Variants in RBM33 observed in about 807,000 individuals in gnomAD.
RBM33 encodes RNA-binding protein 33.
A neutral mutation model predicts 132.6 loss-of-function variants in RBM33; 28 were observed. That is an observed-to-expected ratio of 0.21 (90% CI 0.16 to 0.29). RBM33 has a LOEUF of 0.29. RBM33 is among the 10% of genes least tolerant of loss of function. The probability of loss-of-function intolerance (pLI) is 1.00; values close to 1 mark genes in which losing one functional copy is unlikely to be tolerated. For missense variants in RBM33, 1,291 were observed against 1,518.5 expected (o/e 0.85, Z 2.49); for synonymous variants, 634 against 593.0 (o/e 1.07, Z -1.01).
At chr7:155,761,301 A>G (rs1412334543) in intron 14 of RBM33, among the ~76,000 whole-genome samples, 2 of 152,058 alleles carry the variant, frequency 1.3e-5, no homozygotes, top group East Asian at 1.9e-4. Context: ...TTGGCCTTGT[A>G]TTAGGGTAAT....
At position 155,703,686 on chromosome 7, in the gene RBM33, C is replaced by G. The variant is rs143961500; in HGVS notation, c.739+2742C>G. Among the ~76,000 whole-genome samples, 8 of 152,208 alleles carry G rather than the reference C, an allele frequency of 5.3e-5. No homozygotes were observed. In the South Asian group the frequency reaches 6.2e-4, roughly 12 times the overall value. On this transcript the variant is annotated intron_variant, in intron 6 of 17. Coordinates refer to ENST00000401878, the MANE Select transcript of RBM33 (RefSeq NM_053043.3). ...CTCTTGTTACCTTCAGTACCTCCCC[C>G]CAAACAAAAGATGAATTTTACATCT...
chr7:155,729,088 A>G, intron 9 of RBM33, among the ~76,000 whole-genome samples: 1 of 151,054 alleles, frequency 6.6e-6, no homozygotes. Flanking sequence ...TACAATCATG[A>G]CAGGAGGCAA....
At chr7:155,656,890 A>G (rs1798507092) in intron 1 of RBM33, among the ~76,000 whole-genome samples, 1 of 151,858 alleles carries the variant, frequency 6.6e-6, no homozygotes, top group South Asian at 2.1e-4. Context: ...GCCTTAAGTT[A>G]CATACCATAT....
chr7:155,678,681 T>G lies in RBM33; in HGVS notation c.245T>G (p.Phe82Cys). The G allele has an allele frequency of 6.6e-7, 1 of 1,516,424 alleles. No individual in the cohort carries two copies. Among genetic ancestry groups the G allele is most frequent in the Non-Finnish European group, 9.0e-7 (1 of 1,105,166 alleles). The allele number at this position is 1,516,424 out of a possible 1,614,324, so 93.9% of individuals were successfully genotyped here. A position where few individuals can be genotyped will look rare whatever the true frequency, so the allele number is the denominator to read the frequency against. The change falls in exon 4 of 18, where the codon TTC (phenylalanine) becomes TGC (cysteine). Residue 82 changes from phenylalanine to cysteine, a missense_variant. This residue lies in a region of RBM33 where 194 missense variants were observed against 249.8 expected (regional missense o/e 0.78). Transcript: ENST00000401878. ...LQSDNEDEEN[F>C]SSQGVTISLN... is the part of the protein sequence containing the mutation. ...AGTGATAATGAAGATGAAGAAAATT[T>G]CAGGTACTCAATATTACCTCATTAT...
At chr7:155,732,089 G>A (rs1260745981) in intron 9 of RBM33, among the ~76,000 whole-genome samples, 2 of 152,136 alleles carry the variant, frequency 1.3e-5, no homozygotes, top group Non-Finnish European at 2.9e-5. Context: ...CTGCTGGTTG[G>A]TCCTGTGGGA....
At chr7:155,718,309 A>C in intron 8 of RBM33, 76 bp from the exon 9 acceptor site, 1 of 1,137,324 alleles carries the variant, frequency 8.8e-7, no homozygotes, top group Admixed American at 1.7e-5. Context: ...ATTTTATATT[A>C]AACTTCATAT....
Position 155,745,136 on chromosome 7 carries a change from C to A in RBM33, c.2513C>A (p.Pro838Gln), listed in dbSNP as rs761167847. Residue 838 changes from proline (P) to glutamine (Q), a missense_variant, in exon 14 of 18, where the codon CCA (proline) becomes CAA (glutamine). This residue lies in a region of RBM33 where 841 missense variants were observed against 912.0 expected (regional missense o/e 0.92). Coordinates refer to ENST00000401878, the MANE Select transcript of RBM33 (RefSeq NM_053043.3). The surrounding 1 kb of genome is among the most constrained non-coding windows in gnomAD (Gnocchi z 4.1). The stretch of plus-strand genomic sequence containing the variant: ...CAACAGCAGCAGCTGTACGCTCCCC[C>A]ACCCCCAGCAGAGCAGGAAGAGCAG... ...AQQQQQLYAP[P>Q]PPAEQEEQAL... is the part of the protein sequence containing the mutation. 26 of 1,602,360 alleles carry A rather than the reference C, an allele frequency of 1.6e-5. No individual in the cohort carries two copies. Among genetic ancestry groups the A allele is most frequent in the Non-Finnish European group, 2.0e-5 (24 of 1,174,070 alleles).
intron 2 of RBM33, among the ~76,000 whole-genome samples, chr7:155,672,376 TAAAAA>T (rs1428261488): frequency 6.6e-6 from 1 of 152,212 alleles, no homozygotes; most frequent in Non-Finnish European, 1.5e-5. Context: ...TCCCCATACT[TAAAAA>T]GATAAAATGT....
At chr7:155,717,917 G>A (rs1177086219) in intron 8 of RBM33, among the ~76,000 whole-genome samples, 1 of 152,112 alleles carries the variant, frequency 6.6e-6, no homozygotes, top group East Asian at 1.9e-4. Flanking sequence ...CCAATTCCTG[G>A]GATGTGCTGT....
intron 1 of RBM33, among the ~76,000 whole-genome samples, chr7:155,663,564 C>T (rs1038310215): frequency 2.6e-5 from 4 of 152,122 alleles, no homozygotes; most frequent in East Asian, 1.9e-4. Flanking sequence ...GGATCTGCCC[C>T]GGGACCCCAA....
chr7:155,649,808 CA>C (rs1319537205), intron 1 of RBM33, among the ~76,000 whole-genome samples: 2 of 152,158 alleles, frequency 1.3e-5, no homozygotes, highest in Admixed American at 1.3e-4. Flanking sequence ...AAACCAAAAC[CA>C]AAAAACAAAC....
intron 1 of RBM33, among the ~76,000 whole-genome samples, chr7:155,662,767 TCAGTAA>T (rs1716839424): frequency 6.6e-6 from 1 of 151,910 alleles, no homozygotes; most frequent in African/African-American, 2.4e-5. Flanking sequence ...CCCACATGTC[TCAGTAA>T]CAGTCACCCA....
rs1802593468 is a variant in RBM33, at chr7:155,775,966, T to C, written c.*925T>C. The C allele has an allele frequency of 6.6e-6, 1 of 152,278 alleles. No homozygotes were observed. The highest frequency in any genetic ancestry group is 2.4e-5 in the African/African-American group (1 of 41,480). 9.4% of individuals were successfully genotyped at this position (152,278 alleles called of 1,614,324 possible). A position where few individuals can be genotyped will look rare whatever the true frequency, so the allele number is the denominator to read the frequency against. ...GCCACTGCTTCAGTCACCTCTGTTT[T>C]TCTGAAGGCTGTTCCAGCAGGGCTG... On this transcript the variant is annotated 3_prime_UTR_variant, in exon 18 of 18. Transcript: ENST00000401878.
chr7:155,764,117 T>C (rs1802136516), intron 15 of RBM33, 99 bp downstream of exon 15: 1 of 893,770 alleles, frequency 1.1e-6, no homozygotes, highest in Admixed American at 3.2e-5. Flanking sequence ...CACACAGTAG[T>C]ACTCACATTC....
intron 3 of RBM33, among the ~76,000 whole-genome samples, chr7:155,673,787 CA>C (rs1563138118): frequency 5.4e-5 from 8 of 149,386 alleles, no homozygotes; most frequent in African/African-American, 2.0e-4. Flanking sequence ...CACACACACA[CA>C]CACACACACA....
At chr7:155,658,296 C>T (rs982865897) in intron 1 of RBM33, among the ~76,000 whole-genome samples, 2 of 151,884 alleles carry the variant, frequency 1.3e-5, no homozygotes, top group Admixed American at 6.6e-5. Context: ...TTACTATTTG[C>T]GTGAAATATC....
intron 11 of RBM33, chr7:155,739,391 C>T (rs1801241617): frequency 4.3e-6 from 1 of 233,970 alleles, no homozygotes; most frequent in Non-Finnish European, 8.4e-6. Flanking sequence ...TGTGTGGTTG[C>T]ATGTGTGTAT....
Position 155,738,236 on chromosome 7 carries a change from A to C in RBM33, c.1570A>C (p.Arg524=). ...NQQGQQPVFP[R]ERPVRPALQP... Reference sequence around the variant, plus strand: ...GCAAGGACAGCAGCCAGTGTTCCCAAGAGAGCGGCCCGTACGACCAGCCTT... The same window carrying C: ...GCAAGGACAGCAGCCAGTGTTCCCACGAGAGCGGCCCGTACGACCAGCCTT... Residue 524 remains arginine (R), a synonymous_variant, in exon 11 of 18, where the codon AGA becomes CGA. Transcript: ENST00000401878. The C allele has an allele frequency of 6.2e-7, 1 of 1,613,986 alleles. No homozygotes were observed. The highest frequency in any genetic ancestry group is 8.5e-7 in the Non-Finnish European group (1 of 1,179,884).
intron 1 of RBM33, among the ~76,000 whole-genome samples, chr7:155,657,696 T>C (rs1399183001): frequency 6.6e-6 from 1 of 152,202 alleles, no homozygotes; most frequent in Middle Eastern, 3.2e-3. Flanking sequence ...ATTAGCAATG[T>C]CTGCCATGGA....
Sources: gnomAD v4.1 joint callset for allele counts (sites outside exome capture counted in the v4.1 genomes callset) on GRCh38, gnomAD v4.1.1 for gene constraint, gnomAD v4.1.1 regional missense constraint, Gnocchi (gnomAD v3.1) non-coding constraint, MANE v1.5 for transcripts, NCBI Gene and HGNC (gene_info 2026-07-23, HGNC 2026-07-21) for gene names.